FBN3: variants seen among roughly 807,000 people sequenced by gnomAD.
FBN3 encodes fibrillin-3.
Under a neutral mutation model 330.1 loss-of-function variants are expected in FBN3, and 234 were observed. That is an observed-to-expected ratio of 0.71 (90% confidence interval 0.64 to 0.79). The LOEUF is 0.79. FBN3 is among the 30% of genes least tolerant of loss of function. FBN3 has a pLI of 0.00. For synonymous variants in FBN3, 1,458 were observed against 1,517.3 expected (o/e 0.96, Z 0.91); for missense variants, 3,606 against 3,886.9 (o/e 0.93, Z 1.92).
chr19:8,123,907 C>A lies in FBN3; in HGVS notation c.2833G>T (p.Ala945Ser). ...GCCTCGCACTCGACTCCCCACACGGCCCCGATGGAGCAGCAGCAGACGTCC... is the reference window on the plus strand; with the variant it reads ...GCCTCGCACTCGACTCCCCACACGGACCCGATGGAGCAGCAGCAGACGTCC... ...RMDVCCCSIG[A>S]VWGVECEACP... The change falls in exon 23 of 64, where the codon GCC (alanine) becomes TCC (serine). Residue 945 changes from alanine to serine, a missense_variant. Transcript: ENST00000600128. 6.2e-7 allele frequency: 1 copy of A among 1,614,050 alleles called. No individual in the cohort carries two copies. The highest frequency in any genetic ancestry group is 8.5e-7 in the Non-Finnish European group (1 of 1,180,030).
chr19:8,091,685 G>A (rs2082098934), intron 47 of FBN3, 95 bp from the exon 48 acceptor site: 1 of 1,403,786 alleles, frequency 7.1e-7, no homozygotes, highest in Non-Finnish European at 9.8e-7. Flanking sequence ...ATGGAGTGCA[G>A]GTCCAGCCAG....
intron 39 of FBN3, among the ~76,000 whole-genome samples, chr19:8,103,231 C>G (rs2082365598): frequency 6.9e-6 from 1 of 144,746 alleles, no homozygotes; most frequent in Admixed American, 7.2e-5. Context: ...TGTGCCACTG[C>G]ACTCCAGCCT....
chr19:8,078,986 G>C (rs1415719473), intron 59 of FBN3, among the ~76,000 whole-genome samples: 5 of 151,758 alleles, frequency 3.3e-5, no homozygotes, highest in African/African-American at 7.3e-5. Flanking sequence ...TTGCCATGTT[G>C]CCTGGGCTGG....
Position 8,073,203 on chromosome 19 carries a change from A to C in FBN3, c.7797T>G (p.Phe2599Leu). Residue 2599 changes from phenylalanine to leucine, a missense_variant, in exon 62 of 64, where the codon TTT becomes TTG. By Grantham distance (22) the Phe-to-Leu change is conservative. Coordinates refer to ENST00000600128, the MANE Select transcript of FBN3 (RefSeq NM_032447.5). The part of the protein sequence containing the change: ...GGFRCVCPSG[F>L]DFDQALGGCQ... Reference sequence around the variant, plus strand: ...AGCCCCCGAGGGCCTGATCAAAGTCAAAGCCAGAGGGGCAGACGCAGCGGA... The same window carrying C: ...AGCCCCCGAGGGCCTGATCAAAGTCCAAGCCAGAGGGGCAGACGCAGCGGA... 1 of 1,614,040 alleles carries C rather than the reference A, an allele frequency of 6.2e-7. No homozygotes were observed. Among genetic ancestry groups the C allele is most frequent in the Non-Finnish European group, 8.5e-7 (1 of 1,179,996 alleles).
intron 10 of FBN3, 129 bp downstream of exon 10, chr19:8,138,012 G>A: frequency 9.4e-7 from 1 of 1,062,828 alleles, no homozygotes; most frequent in Non-Finnish European, 1.3e-6. Context: ...AGCCAGGCCA[G>A]GAGTTCCCCC....
chr19:8,099,699 T>A lies in FBN3; in HGVS notation c.5161+1202A>T, dbSNP rs141656619. On this transcript the variant is annotated intron_variant, in intron 41 of 63. Transcript: ENST00000600128. Reference sequence around the variant, plus strand: ...CATTTGGGATGCAGGTGTTAAATTATGCAATACGTTGTTAAAAAGGGAGTA... The same window carrying A: ...CATTTGGGATGCAGGTGTTAAATTAAGCAATACGTTGTTAAAAAGGGAGTA... 3.9e-3 allele frequency among the ~76,000 whole-genome samples: 601 copies of A among 152,204 alleles called. 2 individuals are homozygous for A. The highest frequency in any genetic ancestry group is 4.4e-3 in the Non-Finnish European group (298 of 68,004).
At chr19:8,072,965 CCG>C in intron 62 of FBN3, 96 bp downstream of exon 62, 3 of 628,326 alleles carry the variant, frequency 4.8e-6, no homozygotes, top group Admixed American at 8.8e-5. Context: ...GCACAAAGCC[CCG>C]TGTGTGTGTG....
Position 8,117,157 on chromosome 19 carries a change from GTGCCCACCTACCTGCACA to G in FBN3, c.3580_3586+11del. 1 of 1,613,916 alleles carries G rather than the reference GTGCCCACCTACCTGCACA, an allele frequency of 6.2e-7. No homozygotes were observed. The highest frequency in any genetic ancestry group is 2.2e-5 in the East Asian group (1 of 44,882). ...CCACACCAGGCAGTGGGAAGAAGTT[GTGCCCACCTACCTGCACA>G]TGCCCTTCCGTCGGGCATCAGCGAG... On this transcript the variant is annotated splice_donor_variant and splice_donor_5th_base_variant and coding_sequence_variant and intron_variant, in exon 28 of 64. Transcript: ENST00000600128. LOFTEE classifies it high-confidence loss of function.
chr19:8,145,863 G>C lies in FBN3; in HGVS notation c.425C>G (p.Thr142Arg), dbSNP rs1401612638. 1.9e-6 allele frequency: 3 copies of C among 1,551,142 alleles called. No homozygotes were observed. The highest frequency in any genetic ancestry group is 1.7e-4 in the Middle Eastern group (1 of 5,992). ...GASCLCQKGY[T>R]GTVCGQPICD... ...CTCACGCTGCCCACACACGGTGCCT[G>C]TGTAGCCCTTCTGACACAGACAGGA... is the stretch of plus-strand genomic sequence containing the variant. The change falls in exon 5 of 64, where the codon ACA becomes AGA. Residue 142 changes from threonine to arginine, a missense_variant. Coordinates refer to ENST00000600128, the MANE Select transcript of FBN3 (RefSeq NM_032447.5).
At position 8,123,895 on chromosome 19, in the gene FBN3, C is replaced by T. The variant is rs773294558; in HGVS notation, c.2845G>A (p.Val949Ile). The change falls in exon 23 of 64, where the codon GTC becomes ATC. Residue 949 changes from valine (V) to isoleucine (I), a missense_variant. Coordinates refer to ENST00000600128, the MANE Select transcript of FBN3 (RefSeq NM_032447.5). ...GGATCCGGGCAGGCCTCGCACTCGA[C>T]TCCCCACACGGCCCCGATGGAGCAG... ...CCCSIGAVWG[V>I]ECEACPDPES... 1.9e-6 allele frequency: 3 copies of T among 1,613,896 alleles called. No homozygotes were observed. The highest frequency in any genetic ancestry group is 2.7e-5 in the African/African-American group (2 of 75,052).
At chr19:8,135,937 C>CT in intron 13 of FBN3, 24 bp downstream of exon 13, 5 of 116,768 alleles carry the variant, frequency 4.3e-5, no homozygotes, top group South Asian at 5.8e-5. Context: ...GAAGCCCCTG[C>CT]CCACCCGCCC....
chr19:8,131,287 A>G lies in FBN3; in HGVS notation c.1992T>C (p.Ala664=). The G allele has an allele frequency of 6.2e-7, 1 of 1,612,068 alleles. No individual in the cohort carries two copies. The change falls in exon 16 of 64, where the codon GCT becomes GCC. Residue 664 remains alanine, a splice_region_variant and synonymous_variant. Transcript: ENST00000600128. The surrounding 1 kb of genome is among the most constrained non-coding windows in gnomAD (Gnocchi z 4.5). ...PCQLCPAKDS[A]EFQALCSSGL... ...CACTGCTGCACAGTGCCTGGAACTC[A>G]GCTGGGGATGGAGGGACAGAGTGAG...
chr19:8,132,723 C>G (rs1188641081), intron 14 of FBN3, among the ~76,000 whole-genome samples: 2 of 152,142 alleles, frequency 1.3e-5, no homozygotes, highest in African/African-American at 4.8e-5. Flanking sequence ...AACTCCTGAC[C>G]TCAAATGATC....
At position 8,106,119 on chromosome 19, in the gene FBN3, C is replaced by T. The variant is rs771565430; in HGVS notation, c.4802G>A (p.Arg1601His). 18 of 1,613,886 alleles carry T rather than the reference C, an allele frequency of 1.1e-5. No individual in the cohort carries two copies. Among genetic ancestry groups the T allele is most frequent in the African/African-American group, 1.3e-5 (1 of 74,924 alleles). Reference sequence around the variant, plus strand: ...GAATCCATGCTCACCCTCACAGATGCGGGTGTGCTCACTGAGGTGGTAGCC... The same window carrying T: ...GAATCCATGCTCACCCTCACAGATGTGGGTGTGCTCACTGAGGTGGTAGCC... ...PPGYHLSEHT[R>H]ICEDIDECST... The change falls in exon 38 of 64, where the codon CGC becomes CAC. Residue 1601 changes from arginine to histidine, a missense_variant. Transcript: ENST00000600128.
intron 59 of FBN3, among the ~76,000 whole-genome samples, chr19:8,080,584 C>A (rs139277608): frequency 6.6e-6 from 1 of 152,148 alleles, no homozygotes; most frequent in African/African-American, 2.4e-5. Flanking sequence ...TTCTGATCAC[C>A]CCCATGTCCC....
intron 53 of FBN3, 47 bp from the exon 54 acceptor site, chr19:8,087,258 T>C (rs1310077298): frequency 2.0e-6 from 3 of 1,516,466 alleles, no homozygotes; most frequent in Non-Finnish European, 2.6e-6. Context: ...AGGCACCCTA[T>C]GGCTGTGGGG....
intron 6 of FBN3, 111 bp from the exon 7 acceptor site, chr19:8,142,248 T>G: frequency 1.3e-6 from 1 of 787,070 alleles, no homozygotes; most frequent in South Asian, 1.8e-5. Flanking sequence ...AGGCTTTACT[T>G]ATGCTGCTCC....
chr19:8,066,205 G>A lies in FBN3; in HGVS notation c.8144C>T (p.Ser2715Leu). Residue 2715 changes from serine to leucine, a missense_variant, in exon 64 of 64, where the codon TCA becomes TTA. Coordinates refer to ENST00000600128, the MANE Select transcript of FBN3 (RefSeq NM_032447.5). ...EALLTLGLNL[S>L]HLGRAERILE... ...GATGCGCTCGGCCCGGCCCAGGTGTGAGAGGTTCAGGCCCAAGGTCAGCAG... is the reference window on the plus strand; with the variant it reads ...GATGCGCTCGGCCCGGCCCAGGTGTAAGAGGTTCAGGCCCAAGGTCAGCAG... 1.9e-6 allele frequency: 3 copies of A among 1,607,164 alleles called. No homozygotes were observed. The highest frequency in any genetic ancestry group is 1.7e-5 in the Admixed American group (1 of 59,340).
rs143029271 is a variant in FBN3 at position 8,110,951 on chromosome 19, C to T, written c.4227G>A (p.Ala1409=). The stretch of plus-strand genomic sequence containing the variant: ...TCCCAAATGCACAGAGGTTCCCTTG[C>T]GCACACTCGTCCACATCTGCGGGGA... ...HRACQDVDEC[A]QGNLCAFGSC... is the part of the protein sequence containing the mutation. Residue 1409 remains alanine, a synonymous_variant, in exon 34 of 64, where the codon GCG becomes GCA. Transcript: ENST00000600128. 262 of 1,614,244 alleles carry T rather than the reference C, an allele frequency of 1.6e-4. No individual in the cohort carries two copies. The African/African-American group carries it at 2.3e-3, about 14-fold the overall frequency.
Sources: allele counts gnomAD v4.1 joint callset (sites outside exome capture counted in the v4.1 genomes callset), GRCh38; gene constraint gnomAD v4.1.1; non-coding constraint Gnocchi (gnomAD v3.1); transcripts MANE v1.5; gene names NCBI Gene and HGNC (gene_info 2026-07-23, HGNC 2026-07-21).